CYP11B1: variants seen among roughly 807,000 people sequenced by gnomAD.
CYP11B1 encodes the protein cytochrome P450 11B1, mitochondrial.
A neutral mutation model predicts 48.3 loss-of-function variants in CYP11B1; 34 were observed. That is an observed-to-expected ratio of 0.70 (90% CI 0.54 to 0.94). The LOEUF (loss-of-function observed/expected upper bound fraction) is 0.94, where lower values mean the gene tolerates loss of function less well. Among genes scored for constraint, CYP11B1 ranks in the 40% least tolerant of loss-of-function variants. The pLI is 0.00. For missense variants in CYP11B1, 688 were observed against 657.4 expected (o/e 1.05, Z -0.51); for synonymous variants, 291 against 262.5 (o/e 1.11, Z -1.05).
intron 1 of CYP11B1, 149 bp downstream of exon 1, chr8:142,879,426 A>G (rs369125425): frequency 1.2e-6 from 2 of 1,613,332 alleles, no homozygotes; most frequent in South Asian, 2.2e-5. Flanking sequence ...AGCGCCACAG[A>G]CCAGCACGTG....
In CYP11B1 at chr8:142,874,240, C is replaced by T. The variant is rs1816864513; in HGVS notation, c.*133G>A. On this transcript the variant is annotated 3_prime_UTR_variant, in exon 9 of 9. Coordinates refer to ENST00000292427, the MANE Select transcript of CYP11B1 (RefSeq NM_000497.4). Reference sequence around the variant, plus strand: ...TGGTCCTAGAGGCCCTCGGGAGTTCCATTTGTGCTGGGGCTGGTTAGACAG... The same window carrying T: ...TGGTCCTAGAGGCCCTCGGGAGTTCTATTTGTGCTGGGGCTGGTTAGACAG... 2 of 738,260 alleles carry T rather than the reference C, an allele frequency of 2.7e-6. No individual in the cohort carries two copies. The allele number at this position is 738,260 out of a possible 1,614,324, so 45.7% of individuals were successfully genotyped here.
chr8:142,877,299 C>G, intron 2 of CYP11B1, 77 bp from the exon 3 acceptor site: 1 of 1,371,454 alleles, frequency 7.3e-7, no homozygotes, highest in East Asian at 2.5e-5. Flanking sequence ...TCCTCCTTGT[C>G]CCCAAGGGGA....
At position 142,874,334 on chromosome 8, in the gene CYP11B1, G is replaced by T; in HGVS notation, c.*39C>A. The stretch of plus-strand genomic sequence containing the variant: ...GGCCTGGGGTCAGGCAGAAAGGGAG[G>T]CTGGTGGCCAGGCTGGGACCCTGGG... On this transcript the variant is annotated 3_prime_UTR_variant, in exon 9 of 9. Coordinates refer to ENST00000292427, the MANE Select transcript of CYP11B1 (RefSeq NM_000497.4). 7.0e-7 allele frequency: 1 copy of T among 1,435,740 alleles called. No individual in the cohort carries two copies. The highest frequency in any genetic ancestry group is 9.8e-7 in the Non-Finnish European group (1 of 1,017,228). The allele number at this position is 1,435,740 out of a possible 1,614,324, so 88.9% of individuals were successfully genotyped here. A position where few individuals can be genotyped will look rare whatever the true frequency, so the allele number is the denominator to read the frequency against.
chr8:142,874,450 C>G lies in CYP11B1; in HGVS notation c.1435G>C (p.Glu479Gln). The G allele has an allele frequency of 6.2e-7, 1 of 1,614,070 alleles. No homozygotes were observed. Among genetic ancestry groups the G allele is most frequent in the Non-Finnish European group, 8.5e-7 (1 of 1,179,932 alleles). The change falls in exon 9 of 9, where the codon GAG becomes CAG. Residue 479 changes from glutamate to glutamine, a missense_variant. By Grantham distance (29) the Glu-to-Gln change is conservative. Coordinates refer to ENST00000292427, the MANE Select transcript of CYP11B1 (RefSeq NM_000497.4). ...KHLQVETLTQ[E>Q]DIKMVYSFIL... Reference sequence around the variant, plus strand: ...AAGCTGTAGACCATCTTTATGTCCTCTTGGGTTAGTGTCTCCACCTGGAGG... The same window carrying G: ...AAGCTGTAGACCATCTTTATGTCCTGTTGGGTTAGTGTCTCCACCTGGAGG...
rs764996968 is a variant in CYP11B1, at chr8:142,875,311, G to A, written c.1123C>T (p.Leu375Phe). 1.2e-5 allele frequency: 20 copies of A among 1,612,394 alleles called. No individual in the cohort carries two copies. The highest frequency in any genetic ancestry group is 2.7e-5 in the African/African-American group (2 of 74,886). ...LRAALKETLR[L>F]YPVGLFLERV... is the part of the protein sequence containing the mutation. ...TCCAGAAACAGACCCACAGGGTAGA[G>A]CCTGGAGGTGGGGGCATCCATAGAA... Residue 375 changes from leucine to phenylalanine, a missense_variant and splice_region_variant, in exon 7 of 9, where the codon CTC (leucine) becomes TTC (phenylalanine). Physicochemically the swap from Leu to Phe is conservative, Grantham distance 22 (BLOSUM62 0). Transcript: ENST00000292427.
In CYP11B1 at chr8:142,877,064, G is replaced by C. The variant is rs566921201; in HGVS notation, c.554C>G (p.Thr185Ser). Residue 185 changes from threonine (T) to serine (S), a missense_variant, in exon 3 of 9, where the codon ACC becomes AGC. Transcript: ENST00000292427. Reference protein sequence around the residue: ...KVLQNARGSLTLDVQPSIFHY... With the variant: ...KVLQNARGSLSLDVQPSIFHY... ...GAAGATGCTGGGCTGGACGTCCAGG[G>C]TCAGGCTCCCCCGGGCGTTCTGCAG... 3.8e-4 allele frequency: 621 copies of C among 1,613,938 alleles called. 7 individuals are homozygous for C. In the Admixed American group the frequency reaches 0.01, roughly 27 times the overall value.
chr8:142,875,800 GGCTCTCCTGGCGCAGGGCCT>G lies in CYP11B1; in HGVS notation c.1013_1032del (p.Gln338ProfsTer9). ...TCACTGATGCTGGCTGCGGCGGCCA[GGCTCTCCTGGCGCAGGGCCT>G]GCTGCACGTTGGGGTTCCGAGCCAG... On this transcript the variant is annotated frameshift_variant, in exon 6 of 9. Transcript: ENST00000292427. LOFTEE classifies it high-confidence loss of function. 1 of 1,614,084 alleles carries G rather than the reference GGCTCTCCTGGCGCAGGGCCT, an allele frequency of 6.2e-7. No individual in the cohort carries two copies. Among genetic ancestry groups the G allele is most frequent in the Non-Finnish European group, 8.5e-7 (1 of 1,180,016 alleles).
In CYP11B1 at chr8:142,874,500, C is replaced by G. The variant is rs5295; in HGVS notation, c.1399-14G>C. The G allele has an allele frequency of 0.087, 138,783 of 1,587,936 alleles. 7,518 individuals carry two copies. The highest frequency in any genetic ancestry group is 0.24 in the African/African-American group (18,018 of 74,388). ...GTGTTTCAGCACCTAGGACAGAAGC[C>G]GGGTTTCCATCTGGCTTGGTCCGCA... On this transcript the variant is annotated splice_polypyrimidine_tract_variant and intron_variant, in intron 8 of 8. Transcript: ENST00000292427.
chr8:142,873,129 C>A lies in CYP11B1; in HGVS notation c.*1244G>T, dbSNP rs1381359161. 6.6e-6 allele frequency: 1 copy of A among 152,248 alleles called. No individual in the cohort carries two copies. The highest frequency in any genetic ancestry group is 2.4e-5 in the African/African-American group (1 of 41,460). The allele number at this position is 152,248 out of a possible 1,614,324, so 9.4% of individuals were successfully genotyped here. ...CTAGGTGTGCTCCCAACCTGGGGCA[C>A]TTCATCTCCCTGTACAGGCTGAGTC... On this transcript the variant is annotated 3_prime_UTR_variant, in exon 9 of 9. Transcript: ENST00000292427.
rs373778481 is a variant in CYP11B1 at position 142,879,160 on chromosome 8, C to G, written c.267G>C (p.Val89=). The G allele has an allele frequency of 6.2e-7, 1 of 1,613,974 alleles. No homozygotes were observed. The change falls in exon 2 of 9, where the codon GTG becomes GTC. Residue 89 remains valine, a synonymous_variant. Coordinates refer to ENST00000292427, the MANE Select transcript of CYP11B1 (RefSeq NM_000497.4). ...CCACGTCCTCCGGCAGCATCACACA[C>G]ACCATGCCTGCTCCTCCCAAGTCGT... ...FRYDLGGAGM[V]CVMLPEDVEK... is the part of the protein sequence containing the mutation.
In CYP11B1 at chr8:142,874,446, T is replaced by C. The variant is rs1029162634; in HGVS notation, c.1439A>G (p.Asp480Gly). Residue 480 changes from aspartate to glycine, a missense_variant, in exon 9 of 9, where the codon GAC becomes GGC. Physicochemically the swap from Asp to Gly is moderately conservative, Grantham distance 94. Coordinates refer to ENST00000292427, the MANE Select transcript of CYP11B1 (RefSeq NM_000497.4). ...TATGAAGCTGTAGACCATCTTTATG[T>C]CCTCTTGGGTTAGTGTCTCCACCTG... is the stretch of plus-strand genomic sequence containing the variant. Reference protein sequence around the residue: ...HLQVETLTQEDIKMVYSFILR... With the variant: ...HLQVETLTQEGIKMVYSFILR... The C allele has an allele frequency of 6.2e-7, 1 of 1,614,026 alleles. No homozygotes were observed. Among genetic ancestry groups the C allele is most frequent in the Admixed American group, 1.7e-5 (1 of 60,028 alleles).
At position 142,875,819 on chromosome 8, in the gene CYP11B1, C is replaced by T. The variant is rs151335623; in HGVS notation, c.1014G>A (p.Gln338=). 2,538 of 1,614,108 alleles carry T rather than the reference C, an allele frequency of 1.6e-3. 5 individuals are homozygous for T. Among genetic ancestry groups the T allele is most frequent in the Non-Finnish European group, 2.0e-3 (2,369 of 1,179,996 alleles). ...CGGCCAGGCTCTCCTGGCGCAGGGC[C>T]TGCTGCACGTTGGGGTTCCGAGCCA... ...FELARNPNVQ[Q]ALRQESLAAA... is the part of the protein sequence containing the mutation. The change falls in exon 6 of 9, where the codon CAG becomes CAA. Residue 338 remains glutamine, a synonymous_variant. Coordinates refer to ENST00000292427, the MANE Select transcript of CYP11B1 (RefSeq NM_000497.4).
At chr8:142,874,863 CTCCCACTCTGCCGAGGCCAG>C in intron 8 of CYP11B1, 74 bp downstream of exon 8, 1 of 1,479,384 alleles carries the variant, frequency 6.8e-7, no homozygotes, top group Non-Finnish European at 9.3e-7. Flanking sequence ...ATGCAGGCCA[CTCCCACTCTGCCGAGGCCAG>C]TCCCACATTG....
At position 142,873,668 on chromosome 8, in the gene CYP11B1, G is replaced by A. The variant is rs567584540; in HGVS notation, c.*705C>T. 1 of 153,894 alleles carries A rather than the reference G, an allele frequency of 6.5e-6. No individual in the cohort carries two copies. Among genetic ancestry groups the A allele is most frequent in the Admixed American group, 6.4e-5 (1 of 15,544 alleles). 9.5% of individuals were successfully genotyped at this position (153,894 alleles called of 1,614,324 possible). On this transcript the variant is annotated 3_prime_UTR_variant, in exon 9 of 9. Coordinates refer to ENST00000292427, the MANE Select transcript of CYP11B1 (RefSeq NM_000497.4). ...TCCCCAGGGGACAGCACAGGAAGCA[G>A]AGGACCCAACACCCACTCCTGGAAC...
In CYP11B1 at chr8:142,873,055, A is replaced by G. The variant is rs1490411778; in HGVS notation, c.*1318T>C. On this transcript the variant is annotated 3_prime_UTR_variant, in exon 9 of 9. Coordinates refer to ENST00000292427, the MANE Select transcript of CYP11B1 (RefSeq NM_000497.4). Reference sequence around the variant, plus strand: ...CTGATGTTTGTCAGCAACCCAGTCTATGGCGTTTTCTTAGAGCATCCTGAA... The same window carrying G: ...CTGATGTTTGTCAGCAACCCAGTCTGTGGCGTTTTCTTAGAGCATCCTGAA... The G allele has an allele frequency of 1.3e-5, 2 of 152,212 alleles. No individual in the cohort carries two copies. Among genetic ancestry groups the G allele is most frequent in the African/African-American group, 2.4e-5 (1 of 41,452 alleles). The allele number at this position is 152,212 out of a possible 1,614,324, so 9.4% of individuals were successfully genotyped here.
In CYP11B1 at chr8:142,877,854, A is replaced by G. The variant is rs568561435; in HGVS notation, c.396-632T>C. 961 of 1,584,044 alleles carry G rather than the reference A, an allele frequency of 6.1e-4. 17 individuals are homozygous for G. The South Asian group carries it at 0.01, about 17-fold the overall frequency. On this transcript the variant is annotated intron_variant, in intron 2 of 8. Coordinates refer to ENST00000292427, the MANE Select transcript of CYP11B1 (RefSeq NM_000497.4). ...ACATTTCTGCAAAACTCAAAGCTTTATTTATGTCCAGCTGGCTGTTGTGAG... is the reference window on the plus strand; with the variant it reads ...ACATTTCTGCAAAACTCAAAGCTTTGTTTATGTCCAGCTGGCTGTTGTGAG...
At chr8:142,878,991 A>C in intron 2 of CYP11B1, 41 bp downstream of exon 2, 1 of 1,611,472 alleles carries the variant, frequency 6.2e-7, no homozygotes, top group East Asian at 2.2e-5. Flanking sequence ...CCCTACACCC[A>C]GGCTGCCCAC....
At chr8:142,878,018 G>C (rs552417275) in intron 2 of CYP11B1, among the ~76,000 whole-genome samples, 43 of 151,516 alleles carry the variant, frequency 2.8e-4, no homozygotes, top group East Asian at 1.2e-3. Flanking sequence ...TGCACACACA[G>C]AGACACTCGT....
intron 5 of CYP11B1, 52 bp downstream of exon 5, chr8:142,876,189 G>C: frequency 6.2e-7 from 1 of 1,612,658 alleles, no homozygotes; most frequent in Non-Finnish European, 8.5e-7. Context: ...GCAGTGCCTG[G>C]GAGGCAGGCT....
Sources: allele counts gnomAD v4.1 joint callset (sites outside exome capture counted in the v4.1 genomes callset), GRCh38; gene constraint gnomAD v4.1.1; transcripts MANE v1.5; gene names NCBI Gene and HGNC (gene_info 2026-07-23, HGNC 2026-07-21).